The following THSD7B variants were observed in gnomAD, a reference collection of about 807,000 sequenced individuals.
THSD7B encodes the protein thrombospondin type-1 domain-containing protein 7B.
In THSD7B, 138 loss-of-function variants were observed where a neutral mutation model predicts 213.6. That is an observed-to-expected ratio of 0.65 (90% CI 0.56 to 0.74). The LOEUF (loss-of-function observed/expected upper bound fraction) is 0.74. Ranked by LOEUF, THSD7B falls within the 30% of genes least tolerant of loss-of-function variation. The pLI, the probability that THSD7B is intolerant of heterozygous loss-of-function variation, is 0.00. For missense variants in THSD7B, 1,931 were observed against 1,991.5 expected, an observed-to-expected ratio of 0.97 and a Z score of 0.58; for synonymous variants, 742 against 687.0, an observed-to-expected ratio of 1.08 and a Z score of -1.25.
chr2:137,625,474 T>TA (rs112693288), intron 20 of THSD7B, among the ~76,000 whole-genome samples: 46,487 of 149,944 alleles, frequency 0.31, 8,407 homozygotes, highest in African/African-American at 0.51. Context: ...TGAAGTATAA[T>TA]TAAAAAAAAA....
intron 12 of THSD7B, among the ~76,000 whole-genome samples, chr2:137,333,257 A>G (rs995578697): frequency 1.3e-5 from 2 of 152,168 alleles, no homozygotes; most frequent in African/African-American, 4.8e-5. Context: ...GTCTTCATCT[A>G]CACCACCACT....
At chr2:137,000,354 C>G (rs1685979239) in intron 2 of THSD7B, among the ~76,000 whole-genome samples, 1 of 152,108 alleles carries the variant, frequency 6.6e-6, no homozygotes, top group Non-Finnish European at 1.5e-5. Flanking sequence ...GTGTTGTCAT[C>G]ATAGAACCTA....
intron 3 of THSD7B, among the ~76,000 whole-genome samples, chr2:137,090,652 G>A (rs922814877): frequency 2.0e-5 from 3 of 152,164 alleles, no homozygotes; most frequent in Admixed American, 2.0e-4. Context: ...AATTATCACA[G>A]TATCTTTTCT....
intron 11 of THSD7B, among the ~76,000 whole-genome samples, chr2:137,272,978 C>T (rs2104807539): frequency 6.7e-6 from 1 of 149,996 alleles, no homozygotes; most frequent in African/African-American, 2.5e-5. Flanking sequence ...CGGTTGTTAT[C>T]TGGGGGCTGG....
intron 17 of THSD7B, among the ~76,000 whole-genome samples, chr2:137,583,349 C>T (rs940944823): frequency 6.6e-6 from 1 of 152,138 alleles, no homozygotes; most frequent in Non-Finnish European, 1.5e-5. Context: ...GTAATTAGAT[C>T]CCATTTGTCA....
chr2:136,920,738 C>T lies in THSD7B; in HGVS notation c.139+38421C>T, dbSNP rs542057289. 6.6e-5 allele frequency among the ~76,000 whole-genome samples: 10 copies of T among 152,242 alleles called. No individual in the cohort carries two copies. The South Asian group carries it at 1.5e-3, about 22-fold the overall frequency. On this transcript the variant is annotated intron_variant, in intron 2 of 27. Coordinates refer to ENST00000409968, the MANE Select transcript of THSD7B (RefSeq NM_001316349.2). ...TCCACAGTGCCCAGGCTGTCTGCACCGAGAGGCACCTGTAGGCCTGCACCA... is the reference window on the plus strand; with the variant it reads ...TCCACAGTGCCCAGGCTGTCTGCACTGAGAGGCACCTGTAGGCCTGCACCA...
intron 2 of THSD7B, among the ~76,000 whole-genome samples, chr2:136,973,679 A>G (rs1685437807): frequency 6.6e-6 from 1 of 152,174 alleles, no homozygotes; most frequent in Non-Finnish European, 1.5e-5. Flanking sequence ...TGTTGTAATT[A>G]CCCATCTGTT....
intron 2 of THSD7B, among the ~76,000 whole-genome samples, chr2:136,991,439 A>C (rs1685782112): frequency 6.6e-6 from 1 of 152,102 alleles, no homozygotes. Flanking sequence ...AATTAAAAAA[A>C]GAGAGCGAGA....
chr2:136,784,996 C>G (rs1412859649), intron 1 of THSD7B, among the ~76,000 whole-genome samples: 1 of 152,122 alleles, frequency 6.6e-6, no homozygotes, highest in Admixed American at 6.5e-5. Context: ...TTATGTCTCT[C>G]TCTCTCTATA....
intron 2 of THSD7B, among the ~76,000 whole-genome samples, chr2:136,943,296 G>A (rs1401495210): frequency 6.6e-6 from 1 of 152,098 alleles, no homozygotes; most frequent in Non-Finnish European, 1.5e-5. Context: ...ATTTTGTTGA[G>A]GATTTTTGCA....
chr2:137,429,104 G>A (rs1008936630), intron 14 of THSD7B, among the ~76,000 whole-genome samples: 2 of 152,180 alleles, frequency 1.3e-5, no homozygotes, highest in African/African-American at 4.8e-5. Flanking sequence ...TGTTATAGCA[G>A]CAGGAATGGA....
At chr2:137,481,021 C>T (rs950201077) in intron 15 of THSD7B, among the ~76,000 whole-genome samples, 4 of 152,106 alleles carry the variant, frequency 2.6e-5, no homozygotes, top group Admixed American at 2.0e-4. Context: ...GTCTTTTCTG[C>T]CATGTGAGGA....
chr2:137,387,132 A>T (rs938097446), intron 12 of THSD7B, among the ~76,000 whole-genome samples: 1 of 152,178 alleles, frequency 6.6e-6, no homozygotes, highest in African/African-American at 2.4e-5. Context: ...AAGTAGCTGA[A>T]CTCAGTTCTC....
intron 15 of THSD7B, among the ~76,000 whole-genome samples, chr2:137,451,274 T>G (rs1687645947): frequency 6.6e-6 from 1 of 151,954 alleles, no homozygotes; most frequent in African/African-American, 2.4e-5. Context: ...TCAAATTGAT[T>G]TTAAAATAAT....
chr2:137,167,706 G>A (rs1464432721), intron 6 of THSD7B, among the ~76,000 whole-genome samples: 1 of 151,930 alleles, frequency 6.6e-6, no homozygotes, highest in African/African-American at 2.4e-5. Flanking sequence ...TTAATTCTTG[G>A]AGTCATAGAA....
chr2:137,111,525 C>A (rs999088622), intron 4 of THSD7B, among the ~76,000 whole-genome samples: 2 of 152,148 alleles, frequency 1.3e-5, no homozygotes, highest in Non-Finnish European at 2.9e-5. Context: ...ACTCTTTATG[C>A]CAATTCTGCC....
intron 12 of THSD7B, among the ~76,000 whole-genome samples, chr2:137,280,945 T>C (rs1478401891): frequency 3.3e-5 from 5 of 152,142 alleles, no homozygotes; most frequent in African/African-American, 9.7e-5. Context: ...CTTTCCAGTA[T>C]TTTTCTTTTG....
At chr2:137,398,845 G>T (rs562088283) in intron 12 of THSD7B, among the ~76,000 whole-genome samples, 1 of 152,218 alleles carries the variant, frequency 6.6e-6, no homozygotes, top group East Asian at 1.9e-4. Flanking sequence ...CTCCAAGCCA[G>T]GTGCGGGATA....
chr2:137,075,027 T>G (rs1687589217), intron 3 of THSD7B, among the ~76,000 whole-genome samples: 1 of 152,220 alleles, frequency 6.6e-6, no homozygotes, highest in South Asian at 2.1e-4. Flanking sequence ...CATTTTTTCC[T>G]TCATTTCAAC....
Sources: gnomAD v4.1 joint callset for allele counts (sites outside exome capture counted in the v4.1 genomes callset) on GRCh38, gnomAD v4.1.1 for gene constraint, MANE v1.5 for transcripts, NCBI Gene and HGNC (gene_info 2026-07-23, HGNC 2026-07-21) for gene names.